Variants in ABHD5 observed in about 807,000 individuals in gnomAD.
The protein encoded by ABHD5 is 1-acylglycerol-3-phosphate O-acyltransferase ABHD5.
A neutral mutation model predicts 44.9 loss-of-function variants in ABHD5; 30 were observed. The observed-to-expected ratio is 0.67, with a 90% CI of 0.50 to 0.91. The LOEUF is 0.91. Among genes scored for constraint, ABHD5 ranks in the 40% least tolerant of loss-of-function variants. The pLI is 0.00. For missense variants in ABHD5, 399 were observed against 423.4 expected (o/e 0.94, Z 0.50); for synonymous variants, 167 against 147.0 (o/e 1.14, Z -0.99).
chr3:43,705,112 A>G (rs1443805818), intron 3 of ABHD5, among the ~76,000 whole-genome samples: 6 of 152,170 alleles, frequency 3.9e-5, no homozygotes, highest in Non-Finnish European at 8.8e-5. Flanking sequence ...CCTAGTAAAT[A>G]TTTCTTGAAT....
chr3:43,690,974 C>G lies in ABHD5; in HGVS notation c.-19C>G. 11 of 1,569,268 alleles carry G rather than the reference C, an allele frequency of 7.0e-6. No homozygotes were observed. The Middle Eastern group carries it at 5.1e-4, about 73-fold the overall frequency. On this transcript the variant is annotated 5_prime_UTR_variant, in exon 1 of 7. Transcript: ENST00000644371. ...CAGCCGGCTTCGAGATAAGTCCCGG[C>G]GCTTGCGCGGCGGCGGCTATGGCGG... is the stretch of plus-strand genomic sequence containing the variant.
In ABHD5 at chr3:43,715,085, CTGTGTGTGTG is replaced by C. The variant is rs10662733; in HGVS notation, c.773+53_773+62del. ...TGAGGGTTAGGATTCTCAATTCACTCTGTGTGTGTGTGTGTGTGTGTGTGTGTGTGTGTGT... is the reference window on the plus strand; with the variant it reads ...TGAGGGTTAGGATTCTCAATTCACTCTGTGTGTGTGTGTGTGTGTGTGTGT... On this transcript the variant is annotated intron_variant, in intron 5 of 6. Coordinates refer to ENST00000644371, the MANE Select transcript of ABHD5 (RefSeq NM_016006.6). 8.6e-4 allele frequency: 732 copies of C among 846,838 alleles called. 4 individuals carry two copies. The African/African-American group carries it at 0.011, about 13-fold the overall frequency. The allele number at this position is 846,838 out of a possible 1,614,324, so 52.5% of individuals were successfully genotyped here. A position where few individuals can be genotyped will look rare whatever the true frequency, so the allele number is the denominator to read the frequency against.
intron 1 of ABHD5, among the ~76,000 whole-genome samples, chr3:43,697,553 A>G (rs1304911057): frequency 6.6e-6 from 1 of 152,114 alleles, no homozygotes; most frequent in Non-Finnish European, 1.5e-5. Flanking sequence ...TTTTATTTTA[A>G]TGGCCTGTGT....
chr3:43,691,091 G>A (rs756643002), intron 1 of ABHD5, 52 bp downstream of exon 1: 36 of 1,497,796 alleles, frequency 2.4e-5, no homozygotes, highest in Non-Finnish European at 2.9e-5. Context: ...CACCCTCCGC[G>A]CGGGCCGGGT....
intron 4 of ABHD5, among the ~76,000 whole-genome samples, chr3:43,713,061 A>G (rs1033876005): frequency 6.6e-6 from 1 of 152,160 alleles, no homozygotes; most frequent in Non-Finnish European, 1.5e-5. Context: ...TCACACCTGT[A>G]ATACCAGCAC....
intron 7 of ABHD5, among the ~76,000 whole-genome samples, chr3:43,728,425 T>C (rs1215087636): frequency 6.6e-6 from 1 of 152,198 alleles, no homozygotes; most frequent in African/African-American, 2.4e-5. Context: ...AACTTCTACA[T>C]TGCTGATGAA....
rs148271744 is a variant in ABHD5, at chr3:43,732,862, G to C, written c.*30-1018G>C. On this transcript the variant is annotated intron_variant, in intron 7 of 7. Transcript: ENST00000454293. Reference sequence around the variant, plus strand: ...CCAGGGCTGGGCTTCCTCTTTGAGTGAGGAAGGACATGCTTTCCAAGCTCA... The same window carrying C: ...CCAGGGCTGGGCTTCCTCTTTGAGTCAGGAAGGACATGCTTTCCAAGCTCA... Among the ~76,000 whole-genome samples the C allele has an allele frequency of 1.1e-4, 17 of 152,286 alleles. No individual in the cohort carries two copies. The East Asian group carries it at 2.3e-3, about 21-fold the overall frequency.
Position 43,710,985 on chromosome 3 carries a change from G to A in ABHD5, c.507-724G>A, listed in dbSNP as rs575847246. On this transcript the variant is annotated intron_variant, in intron 3 of 6. Coordinates refer to ENST00000644371, the MANE Select transcript of ABHD5 (RefSeq NM_016006.6). Reference sequence around the variant, plus strand: ...TTAACAATATGAAATAATTGTATATGAAGTTCTACTGAATATTTTCTATCT... The same window carrying A: ...TTAACAATATGAAATAATTGTATATAAAGTTCTACTGAATATTTTCTATCT... Among the ~76,000 whole-genome samples, 616 of 152,308 alleles carry A rather than the reference G, an allele frequency of 4.0e-3. 1 individual carries two copies. The highest frequency in any genetic ancestry group is 0.014 in the African/African-American group (593 of 41,570).
At chr3:43,709,762 G>C (rs1370658902) in intron 3 of ABHD5, among the ~76,000 whole-genome samples, 2 of 152,058 alleles carry the variant, frequency 1.3e-5, no homozygotes, top group South Asian at 4.2e-4. Context: ...AAGGAATTTA[G>C]GGCCGGGCAC....
intron 2 of ABHD5, 54 bp from the exon 3 acceptor site, chr3:43,702,161 C>T: frequency 6.7e-7 from 1 of 1,500,578 alleles, no homozygotes; most frequent in Non-Finnish European, 9.0e-7. Flanking sequence ...GAGAATACTT[C>T]CCTTCTCAGA....
chr3:43,727,727 G>A (rs1273059454), intron 7 of ABHD5, among the ~76,000 whole-genome samples: 1 of 152,094 alleles, frequency 6.6e-6, no homozygotes, highest in Non-Finnish European at 1.5e-5. Flanking sequence ...TCCTGCTTCC[G>A]CCTCCCTAGT....
intron 1 of ABHD5, 66 bp downstream of exon 1, chr3:43,691,105 G>C: frequency 3.5e-6 from 5 of 1,442,092 alleles, no homozygotes; most frequent in Admixed American, 2.6e-5. Context: ...GCCGGGTTAG[G>C]GCCCAGCGGG....
At chr3:43,723,739 T>C (rs1336817307), downstream of ABHD5, among the ~76,000 whole-genome samples, 1 of 152,040 alleles carries the variant, frequency 6.6e-6, no homozygotes, top group Non-Finnish European at 1.5e-5. Flanking sequence ...CTTCAACAAA[T>C]TGAAGCTGCA....
intron 1 of ABHD5, among the ~76,000 whole-genome samples, chr3:43,698,615 C>T (rs1366680171): frequency 6.6e-6 from 1 of 152,138 alleles, no homozygotes; most frequent in Non-Finnish European, 1.5e-5. Flanking sequence ...CTTCCTTGTT[C>T]TTTGTTGTGC....
In ABHD5 at chr3:43,711,722, A is replaced by G; in HGVS notation, c.520A>G (p.Ile174Val). 6.2e-7 allele frequency: 1 copy of G among 1,614,118 alleles called. No individual in the cohort carries two copies. Residue 174 changes from isoleucine to valine, a missense_variant, in exon 4 of 7, where the codon ATT becomes GTT. Ile to Val is a conservative substitution (Grantham distance 29). Transcript: ENST00000644371. ...TTCCCCCAACAGGGTTAATCATCTC[A>G]TTTTAGTGGAGCCTTGGGGTTTCCC... ...LKYPSRVNHL[I>V]LVEPWGFPER...
intron 7 of ABHD5, among the ~76,000 whole-genome samples, chr3:43,729,926 CA>C (rs2097460427): frequency 6.6e-6 from 1 of 152,128 alleles, no homozygotes; most frequent in African/African-American, 2.4e-5. Context: ...AACTATACTG[CA>C]AAGTAAACAT....
In ABHD5 at chr3:43,702,525, C is replaced by T. The variant is rs753853386; in HGVS notation, c.444C>T (p.Ile148=). ...WRCALGLDKM[I]LLGHNLGGFL... ...GTGCCCTAGGATTGGACAAAATGAT[C>T]TTGCTTGGGCACAACCTAGGTGGAT... is the stretch of plus-strand genomic sequence containing the variant. The change falls in exon 3 of 7, where the codon ATC becomes ATT. Residue 148 remains isoleucine (I), a synonymous_variant. Coordinates refer to ENST00000644371, the MANE Select transcript of ABHD5 (RefSeq NM_016006.6). 1.3e-5 allele frequency: 21 copies of T among 1,614,076 alleles called. No homozygotes were observed. Among genetic ancestry groups the T allele is most frequent in the Non-Finnish European group, 1.7e-5 (20 of 1,180,044 alleles).
downstream of ABHD5, among the ~76,000 whole-genome samples, chr3:43,726,100 G>A (rs189636040): frequency 5.3e-5 from 8 of 152,186 alleles, no homozygotes; most frequent in African/African-American, 1.7e-4. Flanking sequence ...TCCTGACCTC[G>A]TGATCCGGCC....
chr3:43,692,508 A>T (rs557737987), intron 1 of ABHD5, among the ~76,000 whole-genome samples: 2 of 152,264 alleles, frequency 1.3e-5, no homozygotes, highest in Admixed American at 1.3e-4. Flanking sequence ...GTTGGAGGTC[A>T]TTGGAGGTAG....
Sources: allele counts gnomAD v4.1 joint callset (sites outside exome capture counted in the v4.1 genomes callset), GRCh38; gene constraint gnomAD v4.1.1; transcripts MANE v1.5; gene names NCBI Gene and HGNC (gene_info 2026-07-23, HGNC 2026-07-21).